Variants in PPP2R5E observed in about 807,000 individuals in gnomAD.
PPP2R5E encodes protein phosphatase 2 regulatory subunit B'epsilon, also known as serine/threonine-protein phosphatase 2A 56 kDa regulatory subunit epsilon isoform.
Under a neutral mutation model 65.3 loss-of-function variants are expected in PPP2R5E, and 4 were observed. That is an observed-to-expected ratio of 0.06 (90% CI 0.03 to 0.14). The LOEUF is 0.14. Ranked by LOEUF, PPP2R5E falls within the 10% of genes least tolerant of loss-of-function variation. The pLI is 1.00. For missense variants in PPP2R5E, 274 were observed against 556.1 expected (o/e 0.49, Z 5.10); for synonymous variants, 183 against 187.4 (o/e 0.98, Z 0.19).
intron 5 of PPP2R5E, among the ~76,000 whole-genome samples, chr14:63,402,270 T>C (rs1298533266): frequency 1.3e-5 from 2 of 152,208 alleles, no homozygotes; most frequent in Admixed American, 6.5e-5. Context: ...GGTTTCCTAA[T>C]GAAATGGCAA....
chr14:63,432,355 A>T (rs1327100334), intron 3 of PPP2R5E, among the ~76,000 whole-genome samples: 1 of 152,228 alleles, frequency 6.6e-6, no homozygotes, highest in East Asian at 1.9e-4. Context: ...GATTTAACAT[A>T]CGGTGATTGC....
At chr14:63,529,136 T>A (rs996788406) in intron 2 of PPP2R5E, among the ~76,000 whole-genome samples, 6 of 152,140 alleles carry the variant, frequency 3.9e-5, no homozygotes, top group African/African-American at 1.4e-4. Flanking sequence ...ATTTTTTAAT[T>A]TTCTAGTAGG....
chr14:63,538,181 G>T (rs1453676235), intron 2 of PPP2R5E, among the ~76,000 whole-genome samples: 1 of 151,950 alleles, frequency 6.6e-6, no homozygotes, highest in Non-Finnish European at 1.5e-5. Context: ...TACTCGGGAA[G>T]TTGATCCCGG....
intron 2 of PPP2R5E, among the ~76,000 whole-genome samples, chr14:63,459,075 C>CT (rs1187486378): frequency 6.6e-6 from 1 of 152,152 alleles, no homozygotes; most frequent in East Asian, 1.9e-4. Flanking sequence ...AACAAAATCA[C>CT]TGAGAATTTT....
chr14:63,460,412 G>A (rs1889389868), intron 2 of PPP2R5E, among the ~76,000 whole-genome samples: 1 of 152,150 alleles, frequency 6.6e-6, no homozygotes, highest in South Asian at 2.1e-4. Flanking sequence ...GATGATAATG[G>A]TGATGATCAT....
chr14:63,521,560 G>A (rs912003860), intron 2 of PPP2R5E, among the ~76,000 whole-genome samples: 5 of 152,178 alleles, frequency 3.3e-5, no homozygotes, highest in African/African-American at 1.2e-4. Flanking sequence ...CCACTCAGGA[G>A]GCTGAGGCAG....
intron 13 of PPP2R5E, among the ~76,000 whole-genome samples, chr14:63,376,978 C>A (rs1467642385): frequency 2.8e-4 from 42 of 151,810 alleles, no homozygotes; most frequent in Non-Finnish European, 7.4e-5. Context: ...ACTAAAAATA[C>A]AAAAATTAGC....
At chr14:63,445,497 A>G (rs536430686) in intron 3 of PPP2R5E, among the ~76,000 whole-genome samples, 1 of 152,278 alleles carries the variant, frequency 6.6e-6, no homozygotes, top group Non-Finnish European at 1.5e-5. Flanking sequence ...CTGCTAACTC[A>G]TCATAGCGGT....
In PPP2R5E at chr14:63,478,100, G is replaced by C. The variant is rs1327420137; in HGVS notation, c.158-24215C>G. 2.0e-5 allele frequency among the ~76,000 whole-genome samples: 3 copies of C among 152,052 alleles called. No individual in the cohort carries two copies. In the South Asian group the frequency reaches 6.2e-4, roughly 31 times the overall value. ...AACTACATATAAGAAACCAAGGAAGGGCAAATTGAATAAAGGTTTTTATGA... is the reference window on the plus strand; with the variant it reads ...AACTACATATAAGAAACCAAGGAAGCGCAAATTGAATAAAGGTTTTTATGA... On this transcript the variant is annotated intron_variant, in intron 2 of 13. Transcript: ENST00000337537.
In PPP2R5E at chr14:63,464,488, G is replaced by A. The variant is rs565057963; in HGVS notation, c.158-10603C>T. On this transcript the variant is annotated intron_variant, in intron 2 of 13. Coordinates refer to ENST00000337537, the MANE Select transcript of PPP2R5E (RefSeq NM_006246.5). The stretch of plus-strand genomic sequence containing the variant: ...TGTGGCAGGAAGAAGGAGCATGCTG[G>A]TGAATCTGATGATCAGCAAAGAAGT... 2.6e-5 allele frequency among the ~76,000 whole-genome samples: 4 copies of A among 152,276 alleles called. No individual in the cohort carries two copies. In the East Asian group the frequency reaches 7.7e-4, roughly 29 times the overall value.
At chr14:63,467,460 A>C (rs533101155) in intron 2 of PPP2R5E, among the ~76,000 whole-genome samples, 2 of 152,140 alleles carry the variant, frequency 1.3e-5, no homozygotes, top group Admixed American at 6.5e-5. Flanking sequence ...GGGGTAGTAC[A>C]AACATTTTCT....
At chr14:63,380,109 C>T (rs1214701023) in intron 13 of PPP2R5E, among the ~76,000 whole-genome samples, 1 of 151,908 alleles carries the variant, frequency 6.6e-6, no homozygotes, top group Admixed American at 6.6e-5. Flanking sequence ...GATGGGATTA[C>T]AGGCGTGAGC....
At chr14:63,520,896 G>A (rs949938239) in intron 2 of PPP2R5E, among the ~76,000 whole-genome samples, 10 of 146,544 alleles carry the variant, frequency 6.8e-5, no homozygotes, top group Non-Finnish European at 1.2e-4. Flanking sequence ...ACAATTAGCC[G>A]GGCATGGTAG....
intron 4 of PPP2R5E, among the ~76,000 whole-genome samples, chr14:63,420,021 A>G (rs571701893): frequency 6.6e-6 from 1 of 152,316 alleles, no homozygotes; most frequent in Non-Finnish European, 1.5e-5. Context: ...CAGAGTCATT[A>G]AGTATGGGAA....
chr14:63,429,051 TC>T lies in PPP2R5E; in HGVS notation c.355-6958del, dbSNP rs1417236065. ...AATACAATGAGTGCTTTTTTAAAAT[TC>T]ATGAATACTTTGAATTTCCTGTAGT... On this transcript the variant is annotated intron_variant, in intron 3 of 13. Coordinates refer to ENST00000337537, the MANE Select transcript of PPP2R5E (RefSeq NM_006246.5). Among the ~76,000 whole-genome samples, 3 of 152,192 alleles carry T rather than the reference TC, an allele frequency of 2.0e-5. No individual in the cohort carries two copies. In the East Asian group the frequency reaches 5.8e-4, roughly 29 times the overall value.
chr14:63,522,572 T>C (rs1386076208), intron 2 of PPP2R5E, among the ~76,000 whole-genome samples: 1 of 142,508 alleles, frequency 7.0e-6, no homozygotes, highest in Non-Finnish European at 1.5e-5. Context: ...TCGTCTGAGA[T>C]GTGGGGAGCG....
At chr14:63,394,106 T>C (rs1445889837) in intron 7 of PPP2R5E, among the ~76,000 whole-genome samples, 178 bp from the exon 8 acceptor site, 7 of 128,612 alleles carry the variant, frequency 5.4e-5, no homozygotes, top group Non-Finnish European at 9.5e-5. Context: ...TGAGACAGAG[T>C]CATCTTGCTC....
rs549645861 is a variant in PPP2R5E at position 63,520,798 on chromosome 14, G to T, written c.157+18731C>A. On this transcript the variant is annotated intron_variant, in intron 2 of 13. Transcript: ENST00000337537. The stretch of plus-strand genomic sequence containing the variant: ...TGGGAGGCCGAGGCGGGTGGATCAC[G>T]AGGTCAGCAGATTGAGACCATCCTG... Among the ~76,000 whole-genome samples, 3 of 144,076 alleles carry T rather than the reference G, an allele frequency of 2.1e-5. No homozygotes were observed. In the South Asian group the frequency reaches 6.7e-4, roughly 32 times the overall value. 94.5% of individuals were successfully genotyped at this position (144,076 alleles called of 152,430 possible). A position where few individuals can be genotyped will look rare whatever the true frequency, so the allele number is the denominator to read the frequency against.
At chr14:63,491,068 C>T (rs1295235327) in intron 2 of PPP2R5E, among the ~76,000 whole-genome samples, 1 of 152,000 alleles carries the variant, frequency 6.6e-6, no homozygotes, top group Non-Finnish European at 1.5e-5. Flanking sequence ...AATGAAATCA[C>T]GTCCTTTGCA....
Sources: allele counts gnomAD v4.1 joint callset (sites outside exome capture counted in the v4.1 genomes callset), GRCh38; gene constraint gnomAD v4.1.1; transcripts MANE v1.5; gene names NCBI Gene and HGNC (gene_info 2026-07-23, HGNC 2026-07-21).